Variants in ARID4A observed in about 807,000 individuals in gnomAD.
ARID4A encodes AT-rich interactive domain-containing protein 4A.
In ARID4A, 39 loss-of-function variants were observed where a neutral mutation model predicts 148.6. That is an observed-to-expected ratio of 0.26 (90% confidence interval 0.20 to 0.34). The LOEUF is 0.34. ARID4A is among the 10% of genes least tolerant of loss of function. The pLI, the probability that ARID4A is intolerant of heterozygous loss-of-function variation, is 1.00. For synonymous variants in ARID4A, 475 were observed against 481.2 expected (o/e 0.99, Z 0.17); for missense variants, 1,265 against 1,449.1 (o/e 0.87, Z 2.06).
At chr14:58,369,865 A>G (rs2035528429) in intron 23 of ARID4A, among the ~76,000 whole-genome samples, 1 of 152,174 alleles carries the variant, frequency 6.6e-6, no homozygotes, top group South Asian at 2.1e-4. Flanking sequence ...GCAGACCTAG[A>G]AAGCAACTAT....
chr14:58,350,041 G>T lies in ARID4A; in HGVS notation c.1405-1032G>T, dbSNP rs1452245257. Among the ~76,000 whole-genome samples, 4 of 148,918 alleles carry T rather than the reference G, an allele frequency of 2.7e-5. No individual in the cohort carries two copies. The East Asian group carries it at 5.9e-4, about 22-fold the overall frequency. On this transcript the variant is annotated intron_variant, in intron 15 of 23. Transcript: ENST00000355431. Reference sequence around the variant, plus strand: ...CGCTTGAACCTGGGAGGTAGAGGTTGCAGTGAGCTGAGATCACACCACTGC... The same window carrying T: ...CGCTTGAACCTGGGAGGTAGAGGTTTCAGTGAGCTGAGATCACACCACTGC...
intron 17 of ARID4A, among the ~76,000 whole-genome samples, chr14:58,354,538 C>T (rs2034784047): frequency 6.6e-6 from 1 of 151,862 alleles, no homozygotes; most frequent in African/African-American, 2.4e-5. Context: ...TAAAAATTAG[C>T]CTGGCATGGT....
At chr14:58,348,260 C>T in intron 15 of ARID4A, among the ~76,000 whole-genome samples, 1 of 152,104 alleles carries the variant, frequency 6.6e-6, no homozygotes, top group East Asian at 1.9e-4. Context: ...CTTATTTATT[C>T]TGTTTATTGT....
In ARID4A at chr14:58,365,467, C is replaced by CTTTT. The variant is rs71107938; in HGVS notation, c.3212-32_3212-29dup. 1,097 of 351,190 alleles carry CTTTT rather than the reference C, an allele frequency of 3.1e-3. 10 individuals are homozygous for CTTTT. The highest frequency in any genetic ancestry group is 7.8e-3 in the South Asian group (201 of 25,752). The allele number at this position is 351,190 out of a possible 1,614,324, so 21.8% of individuals were successfully genotyped here. On this transcript the variant is annotated intron_variant, in intron 20 of 23. Transcript: ENST00000355431. ...TAGTCTGTTGAATAATATACTTGCT[C>CTTTT]TTTTTTTTTTTTTTTTTTTTTTCAA... is the stretch of plus-strand genomic sequence containing the variant.
chr14:58,354,369 C>G (rs2034774984), intron 17 of ARID4A, among the ~76,000 whole-genome samples: 1 of 152,070 alleles, frequency 6.6e-6, no homozygotes, highest in African/African-American at 2.4e-5. Context: ...ATTTGATCTT[C>G]CGTTAGATGA....
intron 11 of ARID4A, among the ~76,000 whole-genome samples, chr14:58,339,904 C>T (rs2034026089): frequency 6.6e-6 from 1 of 151,886 alleles, no homozygotes; most frequent in Admixed American, 6.6e-5. Flanking sequence ...AAGTGCTATA[C>T]ACTTTCAAGC....
chr14:58,301,277 TTTC>T (rs1255333675), intron 2 of ARID4A, among the ~76,000 whole-genome samples: 17 of 123,942 alleles, frequency 1.4e-4, no homozygotes, highest in African/African-American at 5.0e-4. Context: ...TTTCTGTTTT[TTTC>T]TTATCTTTCT....
chr14:58,370,996 G>C (rs546293647), intron 23 of ARID4A, among the ~76,000 whole-genome samples: 1 of 152,210 alleles, frequency 6.6e-6, no homozygotes, highest in South Asian at 2.1e-4. Context: ...TAGCATACAT[G>C]TAAGAATTTG....
intron 5 of ARID4A, among the ~76,000 whole-genome samples, chr14:58,309,234 G>C (rs917763594): frequency 4.6e-5 from 7 of 152,158 alleles, no homozygotes; most frequent in Non-Finnish European, 7.3e-5. Flanking sequence ...TACCGCCTTA[G>C]CCTCCCAAAG....
In ARID4A at chr14:58,373,207, A is replaced by G. The variant is rs1346945670; in HGVS notation, c.*1218A>G. On this transcript the variant is annotated 3_prime_UTR_variant, in exon 24 of 24. Coordinates refer to ENST00000355431, the MANE Select transcript of ARID4A (RefSeq NM_002892.4). ...TTGCTATACTGCCGAATGAATTTAT[A>G]TCTCCCAAAGTTGAGATGCAACAAC... The G allele has an allele frequency of 5.0e-6, 1 of 200,040 alleles. No individual in the cohort carries two copies. Among genetic ancestry groups the G allele is most frequent in the Admixed American group, 6.0e-5 (1 of 16,606 alleles). The allele number at this position is 200,040 out of a possible 1,614,324, so 12.4% of individuals were successfully genotyped here.
At chr14:58,314,659 A>G (rs559323994) in intron 5 of ARID4A, among the ~76,000 whole-genome samples, 36 of 151,900 alleles carry the variant, frequency 2.4e-4, no homozygotes, top group African/African-American at 8.5e-4. Context: ...CAACTCCTGG[A>G]CTCAAGGGAT....
intron 15 of ARID4A, among the ~76,000 whole-genome samples, chr14:58,348,358 G>T (rs572478700): frequency 6.6e-6 from 1 of 152,168 alleles, no homozygotes; most frequent in Non-Finnish European, 1.5e-5. Context: ...CAGATGCCAC[G>T]CATTTAGAAT....
At chr14:58,349,445 G>C (rs2034531295) in intron 15 of ARID4A, among the ~76,000 whole-genome samples, 1 of 150,438 alleles carries the variant, frequency 6.6e-6, no homozygotes, top group Admixed American at 6.6e-5. Flanking sequence ...AGGAGATCGA[G>C]ACCAGCCTCG....
chr14:58,316,389 C>CT (rs994448604), intron 5 of ARID4A, among the ~76,000 whole-genome samples: 2 of 152,024 alleles, frequency 1.3e-5, no homozygotes, highest in African/African-American at 4.8e-5. Flanking sequence ...AATGAGGTAC[C>CT]TTCTGAGAGC....
intron 3 of ARID4A, among the ~76,000 whole-genome samples, chr14:58,303,257 ATATC>A (rs1385998785): frequency 2.6e-5 from 4 of 152,330 alleles, no homozygotes; most frequent in South Asian, 2.1e-4. Flanking sequence ...GATAATTTGC[ATATC>A]TATCATCTCA....
chr14:58,346,557 G>T, intron 13 of ARID4A, 52 bp downstream of exon 13: 1 of 1,237,868 alleles, frequency 8.1e-7, no homozygotes, highest in Non-Finnish European at 1.2e-6. Context: ...AAAAAGTTAA[G>T]TTATCTTATA....
chr14:58,362,267 T>C (rs193089434), intron 19 of ARID4A, among the ~76,000 whole-genome samples: 1 of 152,220 alleles, frequency 6.6e-6, no homozygotes, highest in East Asian at 1.9e-4. Flanking sequence ...CCCCCACTTT[T>C]CTACCTCTGT....
chr14:58,360,021 G>A (rs956446903), intron 18 of ARID4A, among the ~76,000 whole-genome samples: 23 of 151,100 alleles, frequency 1.5e-4, no homozygotes, highest in Non-Finnish European at 2.2e-4. Flanking sequence ...AGCCAAGATC[G>A]CGCCACTGCG....
Position 58,373,108 on chromosome 14 carries a change from A to G in ARID4A, c.*1119A>G, listed in dbSNP as rs776624883. 5.0e-6 allele frequency: 1 copy of G among 198,154 alleles called. No homozygotes were observed. Among genetic ancestry groups the G allele is most frequent in the Non-Finnish European group, 1.0e-5 (1 of 95,640 alleles). 12.3% of individuals were successfully genotyped at this position (198,154 alleles called of 1,614,324 possible). On this transcript the variant is annotated 3_prime_UTR_variant, in exon 24 of 24. Coordinates refer to ENST00000355431, the MANE Select transcript of ARID4A (RefSeq NM_002892.4). ...TATGTCCTTGTTTAGAAACTTTGGC[A>G]GTCCTAGTATTTAAACTGTTTTGAG...
Sources: allele counts gnomAD v4.1 joint callset (sites outside exome capture counted in the v4.1 genomes callset), GRCh38; gene constraint gnomAD v4.1.1; transcripts MANE v1.5; gene names NCBI Gene and HGNC (gene_info 2026-07-23, HGNC 2026-07-21).